The following CEP112 variants were observed in gnomAD, a reference collection of about 807,000 sequenced individuals.
CEP112 encodes centrosomal protein of 112 kDa.
CEP112 carries 127 observed loss-of-function variants against 153.0 expected under a neutral mutation model. That is an observed-to-expected ratio of 0.83 (90% CI 0.72 to 0.96). The LOEUF is 0.96. Among genes scored for constraint, CEP112 ranks in the 40% least tolerant of loss-of-function variants. CEP112 has a pLI of 0.00. For missense variants in CEP112, 1,089 were observed against 1,101.2 expected (o/e 0.99, Z 0.16); for synonymous variants, 358 against 374.4 (o/e 0.96, Z 0.51).
chr17:65,711,885 A>G (rs1236031442), intron 23 of CEP112, among the ~76,000 whole-genome samples: 4 of 152,218 alleles, frequency 2.6e-5, no homozygotes, highest in African/African-American at 9.6e-5. Context: ...ACGACTGAAC[A>G]CATAACTCCC....
intron 21 of CEP112, among the ~76,000 whole-genome samples, chr17:65,821,536 ATATATTTTTTTTTTTT>A (rs1268439237): frequency 8.2e-3 from 296 of 36,006 alleles, no homozygotes; most frequent in African/African-American, 0.032. Flanking sequence ...ATATATATAT[ATATATTTTTTTTTTTT>A]TTTTTTTTTT....
chr17:65,810,406 G>T lies in CEP112; in HGVS notation c.2394+41398C>A, dbSNP rs550370761. ...GGTCATTTCTGGGCCAAAGTACAAA[G>T]AATTGGGTGTGAGCTCTTCATATCC... On this transcript the variant is annotated intron_variant, in intron 21 of 26. Coordinates refer to ENST00000535342, the MANE Select transcript of CEP112 (RefSeq NM_001199165.4). 1.4e-4 allele frequency among the ~76,000 whole-genome samples: 22 copies of T among 152,196 alleles called. No homozygotes were observed. In the East Asian group the frequency reaches 2.9e-3, roughly 20 times the overall value.
chr17:66,129,244 C>A, intron 6 of CEP112, among the ~76,000 whole-genome samples: 1 of 152,268 alleles, frequency 6.6e-6, no homozygotes, highest in East Asian at 1.9e-4. Flanking sequence ...CTCACTTACC[C>A]CACTACATCT....
intron 23 of CEP112, among the ~76,000 whole-genome samples, chr17:65,713,057 A>G (rs1280244180): frequency 6.6e-6 from 1 of 152,244 alleles, no homozygotes. Flanking sequence ...CCACAGTATA[A>G]TCACCATACA....
chr17:66,036,280 G>C (rs2065735679), intron 12 of CEP112, among the ~76,000 whole-genome samples: 3 of 152,144 alleles, frequency 2.0e-5, no homozygotes, highest in Non-Finnish European at 4.4e-5. Context: ...AAGTTTTAAA[G>C]ATATGCCAAT....
At chr17:65,910,245 T>C (rs964903381) in intron 19 of CEP112, among the ~76,000 whole-genome samples, 3 of 152,142 alleles carry the variant, frequency 2.0e-5, no homozygotes, top group East Asian at 1.9e-4. Flanking sequence ...GGCAATGAAA[T>C]ACCTGTGCCT....
In CEP112 at chr17:65,921,048, C is replaced by G. The variant is rs554549138; in HGVS notation, c.1980+6534G>C. ...TTTTTTTTTAATCCCTTATCATCCT[C>G]GACTGACTGAGAGACACAGAAATCT... On this transcript the variant is annotated intron_variant, in intron 19 of 26. Transcript: ENST00000535342. Among the ~76,000 whole-genome samples, 31 of 152,008 alleles carry G rather than the reference C, an allele frequency of 2.0e-4. 1 individual carries two copies. The South Asian group carries it at 6.2e-3, about 31-fold the overall frequency.
intron 19 of CEP112, among the ~76,000 whole-genome samples, chr17:65,919,185 C>T (rs552421990): frequency 1.3e-5 from 2 of 152,316 alleles, no homozygotes; most frequent in East Asian, 1.9e-4. Context: ...TTCATGAGAA[C>T]TTTGCATTTT....
At chr17:65,735,963 G>A (rs1200010917) in intron 23 of CEP112, among the ~76,000 whole-genome samples, 2 of 152,276 alleles carry the variant, frequency 1.3e-5, no homozygotes, top group East Asian at 3.9e-4. Context: ...GTAATGGAAA[G>A]CCATTGATGA....
At chr17:66,000,451 C>T (rs1442922644) in intron 17 of CEP112, among the ~76,000 whole-genome samples, 1 of 147,080 alleles carries the variant, frequency 6.8e-6, no homozygotes, top group Admixed American at 7.0e-5. Context: ...GCTGCTTTCT[C>T]CTTCACTTCT....
intron 21 of CEP112, among the ~76,000 whole-genome samples, chr17:65,753,685 CT>C (rs1257140282): frequency 6.6e-6 from 1 of 152,132 alleles, no homozygotes; most frequent in Admixed American, 6.5e-5. Context: ...TCACAAAATG[CT>C]TAATAAAGTA....
At chr17:65,713,220 C>T (rs747126269) in intron 23 of CEP112, among the ~76,000 whole-genome samples, 15 of 151,984 alleles carry the variant, frequency 9.9e-5, no homozygotes, top group Admixed American at 6.6e-5. Flanking sequence ...AGTGGTGGTC[C>T]GGGGGGTTAC....
chr17:65,647,614 CT>C (rs2045512493), intron 24 of CEP112, among the ~76,000 whole-genome samples: 1 of 150,654 alleles, frequency 6.6e-6, no homozygotes, highest in Non-Finnish European at 1.5e-5. Flanking sequence ...GTAGCTGGGA[CT>C]ACAGGTGCGT....
Position 65,638,419 on chromosome 17 carries a change from C to T in CEP112, c.2800-1231G>A, listed in dbSNP as rs191531368. Among the ~76,000 whole-genome samples, 9 of 152,268 alleles carry T rather than the reference C, an allele frequency of 5.9e-5. No individual in the cohort carries two copies. The East Asian group carries it at 1.7e-3, about 29-fold the overall frequency. Reference sequence around the variant, plus strand: ...TTGGTCTGAACTGAAACCATGGCAACGGTTGATCCCGAAACATAGTTATGC... The same window carrying T: ...TTGGTCTGAACTGAAACCATGGCAATGGTTGATCCCGAAACATAGTTATGC... On this transcript the variant is annotated intron_variant, in intron 25 of 26. Coordinates refer to ENST00000535342, the MANE Select transcript of CEP112 (RefSeq NM_001199165.4).
At chr17:66,061,476 C>T (rs2066916711) in intron 11 of CEP112, among the ~76,000 whole-genome samples, 1 of 151,546 alleles carries the variant, frequency 6.6e-6, no homozygotes, top group Non-Finnish European at 1.5e-5. Context: ...ATCTGCATTC[C>T]CACATTTACT....
chr17:65,969,874 T>A (rs2062591563), intron 17 of CEP112, among the ~76,000 whole-genome samples: 1 of 152,324 alleles, frequency 6.6e-6, no homozygotes, highest in East Asian at 1.9e-4. Context: ...ACATGTGCAT[T>A]ATGTGTAAAT....
At chr17:65,644,279 T>C (rs2045311392) in intron 24 of CEP112, 1 of 580,458 alleles carries the variant, frequency 1.7e-6, no homozygotes, top group East Asian at 3.0e-5. Context: ...TCTATCTGTT[T>C]TCCTAAGCTG....
intron 18 of CEP112, among the ~76,000 whole-genome samples, chr17:65,951,087 C>T (rs1488240290): frequency 1.3e-5 from 2 of 152,028 alleles, no homozygotes; most frequent in African/African-American, 4.8e-5. Context: ...CGACAAATCC[C>T]GCTTGGTCGT....
intron 16 of CEP112, among the ~76,000 whole-genome samples, chr17:66,006,239 C>A (rs1036898): frequency 0.41 from 62,468 of 151,964 alleles, 14,321 homozygotes; most frequent in East Asian, 0.87. Context: ...ACTCCCCGCA[C>A]CATGCCTACC....
Sources: allele counts gnomAD v4.1 joint callset (sites outside exome capture counted in the v4.1 genomes callset), GRCh38; gene constraint gnomAD v4.1.1; transcripts MANE v1.5; gene names NCBI Gene and HGNC (gene_info 2026-07-23, HGNC 2026-07-21).